ARHGEF38: variants seen among roughly 807,000 people sequenced by gnomAD.
ARHGEF38 encodes the protein Rho guanine nucleotide exchange factor 38.
ARHGEF38 carries 79 observed loss-of-function variants against 79.9 expected under a neutral mutation model. That is an observed-to-expected ratio of 0.99 (90% confidence interval 0.82 to 1.19). ARHGEF38 has a LOEUF of 1.19. ARHGEF38 is among the 50% of genes most tolerant of loss of function. The probability of loss-of-function intolerance (pLI) is 0.00; values close to 1 mark genes in which losing one functional copy is unlikely to be tolerated. For synonymous variants in ARHGEF38, 366 were observed against 328.3 expected, an observed-to-expected ratio of 1.11 and a Z score of -1.24; for missense variants, 962 against 907.2, an observed-to-expected ratio of 1.06 and a Z score of -0.78.
intron 1 of ARHGEF38, among the ~76,000 whole-genome samples, chr4:105,564,144 A>G (rs1283012156): frequency 2.6e-5 from 4 of 152,196 alleles, no homozygotes; most frequent in Non-Finnish European, 4.4e-5. Flanking sequence ...AGGGGAATAT[A>G]TAAACCCCAG....
chr4:105,640,588 C>T lies in ARHGEF38; in HGVS notation c.674+4168C>T, dbSNP rs180951462. 4.3e-3 allele frequency among the ~76,000 whole-genome samples: 662 copies of T among 152,258 alleles called. 9 individuals carry two copies. The highest frequency in any genetic ancestry group is 0.015 in the African/African-American group (622 of 41,564). On this transcript the variant is annotated intron_variant, in intron 5 of 13. Coordinates refer to ENST00000420470, the MANE Select transcript of ARHGEF38 (RefSeq NM_001242729.2). ...CCCCTCCCATCATCCTGGAGATTCT[C>T]TTTGCTTCTTTCCTGTGTTGGTTCT...
At chr4:105,635,419 G>A (rs545486592) in intron 4 of ARHGEF38, among the ~76,000 whole-genome samples, 1 of 151,470 alleles carries the variant, frequency 6.6e-6, no homozygotes, top group Admixed American at 6.6e-5. Flanking sequence ...TGATATTTAG[G>A]TTTTACTTGG....
intron 2 of ARHGEF38, among the ~76,000 whole-genome samples, chr4:105,601,516 A>G (rs1451709654): frequency 6.6e-6 from 1 of 152,168 alleles, no homozygotes; most frequent in Non-Finnish European, 1.5e-5. Flanking sequence ...TACATTAATG[A>G]GTGGGTTAAC....
intron 10 of ARHGEF38, 23 bp downstream of exon 10, chr4:105,659,388 GCTA>G (rs1193434367): frequency 1.3e-6 from 2 of 1,520,236 alleles, no homozygotes. Flanking sequence ...CCAACACCTA[GCTA>G]GCTACCTTGG....
rs1376739132 is a variant in ARHGEF38, at chr4:105,613,391, G to C, written c.392G>C (p.Arg131Thr). ...VQPLRNKKTD[R>T]LDVDSLFSNI... is the part of the protein sequence containing the mutation. The stretch of plus-strand genomic sequence containing the variant: ...TGTTTTTTGTTTCTTCAGACTGATA[G>C]GCTGGATGTGGATAGCTTGTTTAGC... The change falls in exon 3 of 14, where the codon AGG (arginine) becomes ACG (threonine). Residue 131 changes from arginine (R) to threonine (T), a missense_variant. Physicochemically the swap from Arg to Thr is moderately conservative, Grantham distance 71 (BLOSUM62 -1). Coordinates refer to ENST00000420470, the MANE Select transcript of ARHGEF38 (RefSeq NM_001242729.2). The C allele has an allele frequency of 1.2e-6, 2 of 1,612,720 alleles. No individual in the cohort carries two copies. The highest frequency in any genetic ancestry group is 2.7e-5 in the African/African-American group (2 of 74,854).
chr4:105,574,567 AG>A (rs67993973), intron 1 of ARHGEF38, among the ~76,000 whole-genome samples: 71,739 of 108,170 alleles, frequency 0.66, 21,940 homozygotes, highest in East Asian at 0.86. Flanking sequence ...AAAAAAAAAA[AG>A]AAGTGGCAAG....
chr4:105,613,540 C>T, intron 3 of ARHGEF38, 33 bp downstream of exon 3: 1 of 1,601,974 alleles, frequency 6.2e-7, no homozygotes, highest in Non-Finnish European at 8.5e-7. Context: ...TTCTACAATA[C>T]AACAGGAAAT....
rs1319328850 is a variant in ARHGEF38, at chr4:105,655,623, G to T, written c.1134G>T (p.Leu378=). Residue 378 remains leucine, a synonymous_variant, in exon 9 of 14, where the codon CTG becomes CTT. Coordinates refer to ENST00000420470, the MANE Select transcript of ARHGEF38 (RefSeq NM_001242729.2). ...TTCAGGATGCCATGCCCCTGGCTCT[G>T]CAGAGTGTGATGGACCTTCAGGAGA... The part of the protein sequence containing the change: ...QHIQDAMPLA[L]QSVMDLQEIS... 6.5e-7 allele frequency: 1 copy of T among 1,535,672 alleles called. No individual in the cohort carries two copies. The highest frequency in any genetic ancestry group is 1.4e-5 in the African/African-American group (1 of 73,022).
intron 13 of ARHGEF38, among the ~76,000 whole-genome samples, chr4:105,668,516 A>G (rs916213424): frequency 2.0e-5 from 3 of 152,172 alleles, no homozygotes; most frequent in Admixed American, 6.5e-5. Flanking sequence ...TGTTTTTGCT[A>G]TATCAGAAAG....
chr4:105,645,470 G>A (rs77477270), intron 6 of ARHGEF38, 83 bp downstream of exon 6: 26 of 1,195,156 alleles, frequency 2.2e-5, no homozygotes, highest in Non-Finnish European at 2.9e-5. Context: ...TGTTTAAGTA[G>A]TTATAGCAGC....
intron 1 of ARHGEF38, among the ~76,000 whole-genome samples, chr4:105,577,881 T>C (rs1359610013): frequency 1.3e-5 from 2 of 152,162 alleles, no homozygotes; most frequent in African/African-American, 4.8e-5. Flanking sequence ...GAACCAGCTT[T>C]TTGTTTCATT....
In ARHGEF38 at chr4:105,659,137, A is replaced by C; in HGVS notation, c.1317A>C (p.Lys439Asn). 6.5e-7 allele frequency: 1 copy of C among 1,536,110 alleles called. No individual in the cohort carries two copies. The highest frequency in any genetic ancestry group is 8.7e-7 in the Non-Finnish European group (1 of 1,146,876). Residue 439 changes from lysine to asparagine, a missense_variant, in exon 10 of 14, where the codon AAA becomes AAC. Transcript: ENST00000420470. ...CAGGGCCTCACAAGCTCATCCAGAA[A>C]CGCTATGACAAACTGCTGGATTGCA... ...LFPGPHKLIQ[K>N]RYDKLLDCNS...
intron 1 of ARHGEF38, among the ~76,000 whole-genome samples, chr4:105,559,063 C>T (rs1725392223): frequency 6.6e-6 from 1 of 151,678 alleles, no homozygotes; most frequent in Non-Finnish European, 1.5e-5. Context: ...AAAAAAAAAC[C>T]TCTGTTTACA....
chr4:105,579,651 T>G (rs1726681141), intron 1 of ARHGEF38, among the ~76,000 whole-genome samples: 1 of 152,184 alleles, frequency 6.6e-6, no homozygotes, highest in Non-Finnish European at 1.5e-5. Context: ...TGCTGAGGAT[T>G]TTTGCATTGA....
At chr4:105,658,483 G>A (rs557375018) in intron 9 of ARHGEF38, among the ~76,000 whole-genome samples, 1 of 152,148 alleles carries the variant, frequency 6.6e-6, no homozygotes, top group South Asian at 2.1e-4. Flanking sequence ...TTTATTAAGG[G>A]GTTACTATCT....
At chr4:105,638,252 C>T (rs1729480497) in intron 5 of ARHGEF38, among the ~76,000 whole-genome samples, 1 of 151,974 alleles carries the variant, frequency 6.6e-6, no homozygotes, top group South Asian at 2.1e-4. Context: ...CTTAAAAATA[C>T]AAAGTGAAAG....
chr4:105,574,557 AAAAAAAAAAAG>A (rs927250727), intron 1 of ARHGEF38, among the ~76,000 whole-genome samples: 6 of 132,378 alleles, frequency 4.5e-5, no homozygotes, highest in Non-Finnish European at 8.1e-5. Flanking sequence ...CTCAAAAAAA[AAAAAAAAAAAG>A]AAGTGGCAAG....
intron 5 of ARHGEF38, among the ~76,000 whole-genome samples, chr4:105,636,686 C>T (rs1415382085): frequency 6.6e-6 from 1 of 152,034 alleles, no homozygotes; most frequent in Non-Finnish European, 1.5e-5. Context: ...GGGAACTGCT[C>T]ATCATACATA....
At chr4:105,634,062 C>T (rs1729302960) in intron 4 of ARHGEF38, among the ~76,000 whole-genome samples, 1 of 152,108 alleles carries the variant, frequency 6.6e-6, no homozygotes, top group Non-Finnish European at 1.5e-5. Context: ...GCGCCAGATC[C>T]ACCAGGATGG....
Sources: gnomAD v4.1 joint callset for allele counts (sites outside exome capture counted in the v4.1 genomes callset) on GRCh38, gnomAD v4.1.1 for gene constraint, MANE v1.5 for transcripts, NCBI Gene and HGNC (gene_info 2026-07-23, HGNC 2026-07-21) for gene names.